TRAPPC9: variants seen among roughly 807,000 people sequenced by gnomAD.
TRAPPC9 encodes IKK2 binding protein.
In TRAPPC9, 83 loss-of-function variants were observed where a neutral mutation model predicts 124.0. That is an observed-to-expected ratio of 0.67 (90% CI 0.56 to 0.80). The LOEUF (loss-of-function observed/expected upper bound fraction) is 0.80, where lower values mean the gene tolerates loss of function less well. Among genes scored for constraint, TRAPPC9 ranks in the 30% least tolerant of loss-of-function variants. The pLI, the probability that TRAPPC9 is intolerant of heterozygous loss-of-function variation, is 0.00. For synonymous variants in TRAPPC9, 638 were observed against 617.5 expected (o/e 1.03, Z -0.49); for missense variants, 1,302 against 1,508.3 (o/e 0.86, Z 2.27).
At chr8:140,339,830 A>G (rs1210839944) in intron 9 of TRAPPC9, among the ~76,000 whole-genome samples, 1 of 152,154 alleles carries the variant, frequency 6.6e-6, no homozygotes, top group Non-Finnish European at 1.5e-5. Context: ...AAGTACCTGC[A>G]ACATACCACT....
chr8:139,764,813 C>T lies in TRAPPC9; in HGVS notation c.3056-32611G>A, dbSNP rs532231999. On this transcript the variant is annotated intron_variant, in intron 21 of 22. Coordinates refer to ENST00000438773, the MANE Select transcript of TRAPPC9 (RefSeq NM_001160372.4). Reference sequence around the variant, plus strand: ...GAGCTGCCCACTCCCCACCACGGTCCGGTGCATCCAGTCTGCAGATGTGTT... The same window carrying T: ...GAGCTGCCCACTCCCCACCACGGTCTGGTGCATCCAGTCTGCAGATGTGTT... Among the ~76,000 whole-genome samples, 16 of 152,244 alleles carry T rather than the reference C, an allele frequency of 1.1e-4. No individual in the cohort carries two copies. In the South Asian group the frequency reaches 1.7e-3, roughly 16 times the overall value.
chr8:140,380,434 G>A (rs201115062), intron 7 of TRAPPC9, among the ~76,000 whole-genome samples: 6 of 151,942 alleles, frequency 3.9e-5, no homozygotes, highest in East Asian at 1.9e-4. Context: ...TGGGTGGATC[G>A]CCTGAGGTCA....
At chr8:139,889,217 T>C (rs780873201) in intron 20 of TRAPPC9, among the ~76,000 whole-genome samples, 1 of 152,156 alleles carries the variant, frequency 6.6e-6, no homozygotes, top group Non-Finnish European at 1.5e-5. Context: ...ACACCTATGA[T>C]TCCACCGATC....
chr8:140,299,394 C>T (rs952979039), intron 11 of TRAPPC9, among the ~76,000 whole-genome samples: 3 of 152,174 alleles, frequency 2.0e-5, no homozygotes, highest in Non-Finnish European at 4.4e-5. Context: ...GAAAGAAAAG[C>T]ATGGTGGAAA....
intron 17 of TRAPPC9, among the ~76,000 whole-genome samples, chr8:140,094,615 G>C (rs950890069): frequency 2.0e-5 from 3 of 152,224 alleles, no homozygotes; most frequent in African/African-American, 4.8e-5. Flanking sequence ...CAGCAGAGTA[G>C]AGGGGAGGGA....
At position 140,254,895 on chromosome 8, in the gene TRAPPC9, G is replaced by T. The variant is rs76436237; in HGVS notation, c.2279-1966C>A. Among the ~76,000 whole-genome samples, 414 of 152,328 alleles carry T rather than the reference G, an allele frequency of 2.7e-3. 1 individual carries two copies. Among genetic ancestry groups the T allele is most frequent in the African/African-American group, 9.1e-3 (380 of 41,576 alleles). On this transcript the variant is annotated intron_variant, in intron 15 of 22. Coordinates refer to ENST00000438773, the MANE Select transcript of TRAPPC9 (RefSeq NM_001160372.4). ...GGTGAAGTTCAAATGTAAAGTCCTGGTCGGAAGACCCAGAAGTGAACCTCA... is the reference window on the plus strand; with the variant it reads ...GGTGAAGTTCAAATGTAAAGTCCTGTTCGGAAGACCCAGAAGTGAACCTCA...
intron 17 of TRAPPC9, among the ~76,000 whole-genome samples, chr8:140,086,355 G>A (rs939980765): frequency 6.6e-6 from 1 of 152,184 alleles, no homozygotes; most frequent in East Asian, 1.9e-4. Context: ...AGAAATGGAA[G>A]GGGAGCAGGT....
chr8:140,210,852 G>C (rs1288540283), intron 17 of TRAPPC9, among the ~76,000 whole-genome samples: 1 of 152,224 alleles, frequency 6.6e-6, no homozygotes, highest in Non-Finnish European at 1.5e-5. Flanking sequence ...TCAGGCTGCT[G>C]TAAGTGTTCA....
chr8:140,323,556 C>T (rs1396589348), intron 9 of TRAPPC9, among the ~76,000 whole-genome samples: 1 of 152,120 alleles, frequency 6.6e-6, no homozygotes, highest in African/African-American at 2.4e-5. Context: ...GGACACCCAG[C>T]TGGTATCTGT....
chr8:140,169,032 A>C (rs1221349623), intron 17 of TRAPPC9, among the ~76,000 whole-genome samples: 1 of 152,196 alleles, frequency 6.6e-6, no homozygotes, highest in Non-Finnish European at 1.5e-5. Flanking sequence ...GTCCCCTGGA[A>C]GGACAGGCAG....
intron 15 of TRAPPC9, among the ~76,000 whole-genome samples, chr8:140,255,437 A>T (rs866879102): frequency 6.6e-6 from 1 of 152,218 alleles, no homozygotes; most frequent in Non-Finnish European, 1.5e-5. Flanking sequence ...TGGTGTTCAG[A>T]TGCTTTGCAA....
chr8:140,385,782 A>G (rs2068739555), intron 7 of TRAPPC9, among the ~76,000 whole-genome samples: 1 of 152,224 alleles, frequency 6.6e-6, no homozygotes, highest in Admixed American at 6.5e-5. Context: ...ATTCCAATCA[A>G]TAGAAAAAGA....
In TRAPPC9 at chr8:140,064,237, C is replaced by T. The variant is rs79530105; in HGVS notation, c.2557-40158G>A. On this transcript the variant is annotated intron_variant, in intron 17 of 22. Coordinates refer to ENST00000438773, the MANE Select transcript of TRAPPC9 (RefSeq NM_001160372.4). ...TATGAAAAATAGCATTGTGTTCATA[C>T]AATAATGGGTTATGTGAAATGGTCA... Among the ~76,000 whole-genome samples, 834 of 152,220 alleles carry T rather than the reference C, an allele frequency of 5.5e-3. 15 individuals are homozygous for T. Among genetic ancestry groups the T allele is most frequent in the African/African-American group, 0.019 (796 of 41,520 alleles).
In TRAPPC9 at chr8:140,204,707, A is replaced by G. The variant is rs118076621; in HGVS notation, c.2556+16752T>C. Among the ~76,000 whole-genome samples the G allele has an allele frequency of 4.0e-3, 604 of 152,254 alleles. 23 individuals are homozygous for G. The East Asian group carries it at 0.081, about 20-fold the overall frequency. Reference sequence around the variant, plus strand: ...AGCTCCCCCTTTGCCTTCTATCATGATTGGAAGCCTCTGAGGTCCTCACCA... The same window carrying G: ...AGCTCCCCCTTTGCCTTCTATCATGGTTGGAAGCCTCTGAGGTCCTCACCA... On this transcript the variant is annotated intron_variant, in intron 17 of 22. Coordinates refer to ENST00000438773, the MANE Select transcript of TRAPPC9 (RefSeq NM_001160372.4).
At chr8:140,011,604 A>G in intron 18 of TRAPPC9, among the ~76,000 whole-genome samples, 1 of 146,712 alleles carries the variant, frequency 6.8e-6, no homozygotes, top group South Asian at 2.2e-4. Flanking sequence ...CCCGGGTTCA[A>G]GTGATTCTCC....
At chr8:139,757,819 T>A (rs973638598) in intron 21 of TRAPPC9, among the ~76,000 whole-genome samples, 5 of 152,106 alleles carry the variant, frequency 3.3e-5, no homozygotes, top group Admixed American at 1.3e-4. Flanking sequence ...AGGCAAGCAG[T>A]CGGCACTGCT....
At chr8:140,189,604 G>A (rs2062435721) in intron 17 of TRAPPC9, among the ~76,000 whole-genome samples, 1 of 152,084 alleles carries the variant, frequency 6.6e-6, no homozygotes, top group African/African-American at 2.4e-5. Context: ...GAAGGAAATA[G>A]GCCATAATGA....
intron 21 of TRAPPC9, among the ~76,000 whole-genome samples, chr8:139,830,176 A>G (rs1357055615): frequency 6.6e-6 from 1 of 152,222 alleles, no homozygotes; most frequent in African/African-American, 2.4e-5. Flanking sequence ...GTGCACGTGC[A>G]CACACATGTA....
intron 19 of TRAPPC9, among the ~76,000 whole-genome samples, chr8:139,957,793 G>A (rs554860922): frequency 1.3e-5 from 2 of 152,304 alleles, no homozygotes; most frequent in South Asian, 2.1e-4. Flanking sequence ...TGCCCCCCTC[G>A]GGCCGAGCCA....
Sources: allele counts gnomAD v4.1 joint callset (sites outside exome capture counted in the v4.1 genomes callset), GRCh38; gene constraint gnomAD v4.1.1; transcripts MANE v1.5; gene names NCBI Gene and HGNC (gene_info 2026-07-23, HGNC 2026-07-21).